Variants in AS3MT observed in about 807,000 individuals in gnomAD.
AS3MT encodes the protein S-adenosyl-L-methionine:arsenic(III) methyltransferase.
AS3MT carries 47 observed loss-of-function variants against 45.3 expected under a neutral mutation model. That is an observed-to-expected ratio of 1.04 (90% CI 0.82 to 1.32). The LOEUF (loss-of-function observed/expected upper bound fraction) is 1.32. Ranked by LOEUF, AS3MT falls within the 40% of genes most tolerant of loss-of-function variation. AS3MT has a pLI of 0.00. For synonymous variants in AS3MT, 141 were observed against 152.8 expected (o/e 0.92, Z 0.57); for missense variants, 396 against 451.1 (o/e 0.88, Z 1.11).
intron 2 of AS3MT, 55 bp from the exon 3 acceptor site, chr10:102,870,029 A>T: frequency 6.3e-7 from 1 of 1,577,422 alleles, no homozygotes; most frequent in Non-Finnish European, 8.6e-7. Flanking sequence ...CTCGCGCTGC[A>T]GTCACAGCTC....
rs772663075 is a variant in AS3MT at position 102,876,443 on chromosome 10, T to G, written c.529-511T>G. ...GGCACATGCCACCATGCCCAGCTAG[T>G]TTTTAAATTTCTATATGGGAGAGAG... On this transcript the variant is annotated intron_variant, in intron 6 of 10. Transcript: ENST00000369880. Among the ~76,000 whole-genome samples, 15 of 151,690 alleles carry G rather than the reference T, an allele frequency of 9.9e-5. 1 individual carries two copies. The highest frequency in any genetic ancestry group is 2.6e-4 in the Admixed American group (4 of 15,232).
At chr10:102,890,451 G>C in intron 9 of AS3MT, 93 bp from the exon 10 acceptor site, 1 of 1,005,006 alleles carries the variant, frequency 1.0e-6, no homozygotes, top group East Asian at 2.5e-5. Flanking sequence ...TAGTGCTGGT[G>C]AGGATGTGGA....
intron 7 of AS3MT, among the ~76,000 whole-genome samples, chr10:102,877,748 C>CTTTTTTT (rs751685577): frequency 4.8e-5 from 5 of 105,228 alleles, no homozygotes; most frequent in Non-Finnish European, 9.7e-5. Context: ...GTGATAACTT[C>CTTTTTTT]TTTTTTTTTT....
intron 9 of AS3MT, among the ~76,000 whole-genome samples, chr10:102,887,516 A>G (rs927450763): frequency 6.6e-6 from 1 of 152,120 alleles, no homozygotes; most frequent in Non-Finnish European, 1.5e-5. Flanking sequence ...GTTGAGTGCA[A>G]AGATACTTAT....
At chr10:102,895,442 C>T (rs1001822114) in intron 10 of AS3MT, among the ~76,000 whole-genome samples, 3 of 152,074 alleles carry the variant, frequency 2.0e-5, no homozygotes, top group African/African-American at 7.2e-5. Context: ...ATCAGATGAT[C>T]CACCAGCCTC....
chr10:102,870,233 C>T (rs1844655283), intron 3 of AS3MT, 22 bp downstream of exon 3: 1 of 1,613,408 alleles, frequency 6.2e-7, no homozygotes, highest in African/African-American at 1.3e-5. Context: ...TGTGCTGTCC[C>T]CAGGAAGACC....
At chr10:102,879,276 A>C (rs1171318098) in intron 9 of AS3MT, among the ~76,000 whole-genome samples, 1 of 152,102 alleles carries the variant, frequency 6.6e-6, no homozygotes, top group African/African-American at 2.4e-5. Flanking sequence ...CTCCCACCTC[A>C]GGCTTCTGAG....
Position 102,897,150 on chromosome 10 carries a change from C to A in AS3MT, c.1021-3443C>A, listed in dbSNP as rs369466820. Among the ~76,000 whole-genome samples the A allele has an allele frequency of 8.6e-5, 13 of 151,876 alleles. No homozygotes were observed. In the East Asian group the frequency reaches 2.0e-3, roughly 23 times the overall value. The stretch of plus-strand genomic sequence containing the variant: ...TGTAATCCCAGCACTTTGGGGAGGC[C>A]GAGGCGGGTGGATCACGAGGTCAGG... On this transcript the variant is annotated intron_variant, in intron 10 of 10. Transcript: ENST00000369880.
chr10:102,871,451 G>A (rs1844681739), intron 3 of AS3MT, among the ~76,000 whole-genome samples: 1 of 149,370 alleles, frequency 6.7e-6, no homozygotes, highest in African/African-American at 2.5e-5. Context: ...GGAGGCTGAG[G>A]CAGGAGAACG....
chr10:102,890,453 G>A, intron 9 of AS3MT, 91 bp from the exon 10 acceptor site: 2 of 1,024,476 alleles, frequency 2.0e-6, no homozygotes, highest in Non-Finnish European at 2.9e-6. Context: ...GTGCTGGTGA[G>A]GATGTGGAGA....
At chr10:102,899,451 C>T (rs529768468) in intron 10 of AS3MT, among the ~76,000 whole-genome samples, 35 of 152,298 alleles carry the variant, frequency 2.3e-4, no homozygotes, top group African/African-American at 7.9e-4. Flanking sequence ...AGGCAGACCT[C>T]TTCATTTCAG....
intron 5 of AS3MT, among the ~76,000 whole-genome samples, chr10:102,873,849 T>A (rs1844735817): frequency 6.6e-6 from 1 of 152,226 alleles, no homozygotes; most frequent in Admixed American, 6.5e-5. Flanking sequence ...AATATTTTCA[T>A]GGTAAATTAT....
At chr10:102,885,167 C>G (rs1004729768) in intron 9 of AS3MT, among the ~76,000 whole-genome samples, 1 of 152,096 alleles carries the variant, frequency 6.6e-6, no homozygotes, top group African/African-American at 2.4e-5. Flanking sequence ...CTGGTAACCA[C>G]CAATCTACTC....
At chr10:102,869,645 C>G (rs750818025) in intron 1 of AS3MT, 52 bp downstream of exon 1, 1 of 1,434,382 alleles carries the variant, frequency 7.0e-7, no homozygotes, top group Admixed American at 1.9e-5. Context: ...CTTCCCTGGG[C>G]CCCCGCAAGG....
chr10:102,899,498 G>A (rs1036001139), intron 10 of AS3MT, among the ~76,000 whole-genome samples: 2 of 152,166 alleles, frequency 1.3e-5, no homozygotes, highest in African/African-American at 2.4e-5. Context: ...ACCAAGGCCA[G>A]CAGGAAGTCA....
At chr10:102,897,159 T>C (rs989672122) in intron 10 of AS3MT, among the ~76,000 whole-genome samples, 1 of 151,678 alleles carries the variant, frequency 6.6e-6, no homozygotes, top group Non-Finnish European at 1.5e-5. Flanking sequence ...CCGAGGCGGG[T>C]GGATCACGAG....
intron 9 of AS3MT, among the ~76,000 whole-genome samples, chr10:102,885,140 C>T (rs1844927819): frequency 1.3e-5 from 2 of 152,182 alleles, no homozygotes; most frequent in South Asian, 4.1e-4. Context: ...CTTCATCCTC[C>T]CCACTCTACC....
In AS3MT at chr10:102,885,319, CTTTTA is replaced by C. The variant is rs961320548; in HGVS notation, c.886-5205_886-5201del. On this transcript the variant is annotated intron_variant, in intron 9 of 10. Coordinates refer to ENST00000369880, the MANE Select transcript of AS3MT (RefSeq NM_020682.4). Reference sequence around the variant, plus strand: ...TTGCTGCAGGTGACAGGATTTCCTTCTTTTATTTTATTTTATTTTATTTTTTTGAG... The same window carrying C: ...TTGCTGCAGGTGACAGGATTTCCTTCTTTTATTTTATTTTATTTTTTTGAG... Among the ~76,000 whole-genome samples, 3 of 151,494 alleles carry C rather than the reference CTTTTA, an allele frequency of 2.0e-5. No homozygotes were observed. The East Asian group carries it at 5.8e-4, about 29-fold the overall frequency.
chr10:102,900,901 T>C lies in AS3MT; in HGVS notation c.*201T>C, dbSNP rs1490682142. On this transcript the variant is annotated 3_prime_UTR_variant, in exon 11 of 11. Transcript: ENST00000369880. Reference sequence around the variant, plus strand: ...GAGTTTGATACCAGCCTGGCCAACATGGTGAAATCCTGTCTCTACCAAAAA... The same window carrying C: ...GAGTTTGATACCAGCCTGGCCAACACGGTGAAATCCTGTCTCTACCAAAAA... 1 of 445,922 alleles carries C rather than the reference T, an allele frequency of 2.2e-6. No homozygotes were observed. Among genetic ancestry groups the C allele is most frequent in the Non-Finnish European group, 4.1e-6 (1 of 242,972 alleles). 27.6% of individuals were successfully genotyped at this position (445,922 alleles called of 1,614,324 possible).
Sources: allele counts gnomAD v4.1 joint callset (sites outside exome capture counted in the v4.1 genomes callset), GRCh38; gene constraint gnomAD v4.1.1; transcripts MANE v1.5; gene names NCBI Gene and HGNC (gene_info 2026-07-23, HGNC 2026-07-21).